The following SMYD3 variants were observed in gnomAD, a reference collection of about 807,000 sequenced individuals.
The protein encoded by SMYD3 is SET and MYND domain containing 3, also known as histone-lysine N-methyltransferase SMYD3.
In SMYD3, 36 loss-of-function variants were observed where a neutral mutation model predicts 57.7. That is an observed-to-expected ratio of 0.62 (90% CI 0.48 to 0.82). The LOEUF is 0.82. Ranked by LOEUF, SMYD3 falls within the 40% of genes least tolerant of loss-of-function variation. SMYD3 has a pLI of 0.00. For missense variants in SMYD3, 515 were observed against 538.8 expected, an observed-to-expected ratio of 0.96 and a Z score of 0.44; for synonymous variants, 211 against 195.0, an observed-to-expected ratio of 1.08 and a Z score of -0.68.
At chr1:246,181,423 C>T (rs894495334) in intron 5 of SMYD3, among the ~76,000 whole-genome samples, 2 of 152,146 alleles carry the variant, frequency 1.3e-5, no homozygotes, top group African/African-American at 4.8e-5. Flanking sequence ...AGCTGACATC[C>T]CTGCCACTCC....
chr1:245,865,074 G>GC, intron 8 of SMYD3, among the ~76,000 whole-genome samples: 1 of 152,316 alleles, frequency 6.6e-6, no homozygotes, highest in East Asian at 1.9e-4. Flanking sequence ...TGCTTACTCA[G>GC]CACTTGTTGA....
chr1:245,993,599 T>TAGAC (rs1553382201), intron 5 of SMYD3, among the ~76,000 whole-genome samples: 19 of 45,712 alleles, frequency 4.2e-4, no homozygotes, highest in Admixed American at 5.6e-4. Context: ...GATAGATAGA[T>TAGAC]AGATAGATAG....
intron 1 of SMYD3, among the ~76,000 whole-genome samples, chr1:246,383,010 G>A (rs376027822): frequency 1.3e-4 from 20 of 151,626 alleles, no homozygotes; most frequent in Admixed American, 3.3e-4. Flanking sequence ...CCATGGACCC[G>A]GGGTCTAGTC....
At chr1:245,934,244 A>G (rs547977490) in intron 5 of SMYD3, among the ~76,000 whole-genome samples, 1 of 152,210 alleles carries the variant, frequency 6.6e-6, no homozygotes, top group Non-Finnish European at 1.5e-5. Flanking sequence ...CCCTGGACAG[A>G]AAAACTGGAA....
At chr1:246,242,004 C>A (rs746720012) in intron 5 of SMYD3, among the ~76,000 whole-genome samples, 1 of 152,006 alleles carries the variant, frequency 6.6e-6, no homozygotes, top group Non-Finnish European at 1.5e-5. Context: ...GTCTTGCTAG[C>A]GGTCTATCAA....
intron 5 of SMYD3, among the ~76,000 whole-genome samples, chr1:246,154,267 T>C (rs565061638): frequency 6.6e-6 from 1 of 152,344 alleles, no homozygotes; most frequent in East Asian, 1.9e-4. Flanking sequence ...AAGTTAACAT[T>C]TCTCTTACTA....
chr1:246,504,456 G>A (rs779502199), intron 1 of SMYD3, among the ~76,000 whole-genome samples: 3 of 152,142 alleles, frequency 2.0e-5, no homozygotes, highest in Non-Finnish European at 4.4e-5. Context: ...AAGTATTTGT[G>A]TATCTAAATG....
intron 5 of SMYD3, among the ~76,000 whole-genome samples, chr1:246,005,392 G>C (rs1203634914): frequency 6.6e-6 from 1 of 152,202 alleles, no homozygotes; most frequent in Non-Finnish European, 1.5e-5. Flanking sequence ...ACTTGGAACT[G>C]GATTTGATTT....
At chr1:245,976,429 TAGGGAAAGCCATCGTCTCCGGCCC>T (rs1184432487) in intron 5 of SMYD3, among the ~76,000 whole-genome samples, 7 of 12,816 alleles carry the variant, frequency 5.5e-4, no homozygotes, top group Non-Finnish European at 7.5e-4. Context: ...GTCTCTAGCC[TAGGGAAAGCCATCGTCTCCGGCCC>T]AGGGAAAGCC....
At chr1:246,032,272 T>C (rs752320678) in intron 5 of SMYD3, among the ~76,000 whole-genome samples, 3 of 152,242 alleles carry the variant, frequency 2.0e-5, no homozygotes, top group South Asian at 2.1e-4. Context: ...GGGGCTGCAA[T>C]TCCCCACAGT....
At chr1:246,329,007 A>G (rs1419046582) in intron 4 of SMYD3, among the ~76,000 whole-genome samples, 1 of 152,122 alleles carries the variant, frequency 6.6e-6, no homozygotes, top group Non-Finnish European at 1.5e-5. Flanking sequence ...ATGTCCCTAC[A>G]AAGGACATGA....
chr1:246,121,247 AC>A (rs1371959383), intron 5 of SMYD3, among the ~76,000 whole-genome samples: 3 of 151,924 alleles, frequency 2.0e-5, no homozygotes, highest in African/African-American at 4.8e-5. Flanking sequence ...TTTTTAAGCC[AC>A]CCAGTAAATG....
At chr1:245,803,966 T>G (rs1207816126) in intron 10 of SMYD3, among the ~76,000 whole-genome samples, 1 of 144,702 alleles carries the variant, frequency 6.9e-6, no homozygotes, top group East Asian at 2.1e-4. Flanking sequence ...CAGGCTGGAG[T>G]GGAGTGGCAC....
At chr1:246,175,460 T>C (rs570790870) in intron 5 of SMYD3, among the ~76,000 whole-genome samples, 4 of 152,232 alleles carry the variant, frequency 2.6e-5, no homozygotes, top group Non-Finnish European at 4.4e-5. Flanking sequence ...GCATAACCTT[T>C]ACAGTACAGA....
intron 8 of SMYD3, among the ~76,000 whole-genome samples, chr1:245,913,226 G>A (rs2055133997): frequency 1.3e-5 from 2 of 151,932 alleles, no homozygotes; most frequent in South Asian, 2.1e-4. Context: ...CATGGATGAA[G>A]CTGGAAACCA....
intron 5 of SMYD3, among the ~76,000 whole-genome samples, chr1:246,124,687 A>G (rs1047529032): frequency 3.9e-5 from 6 of 152,242 alleles, no homozygotes; most frequent in African/African-American, 1.4e-4. Flanking sequence ...GAGGGACACA[A>G]GCAGCATAAT....
intron 5 of SMYD3, among the ~76,000 whole-genome samples, chr1:246,081,952 G>A (rs954227635): frequency 1.3e-5 from 2 of 152,098 alleles, no homozygotes; most frequent in Non-Finnish European, 2.9e-5. Flanking sequence ...AGGCCAAATC[G>A]AGCTCCTGGA....
At position 245,749,648 on chromosome 1, in the gene SMYD3, C is replaced by T. The variant is rs1572234208; in HGVS notation, c.1202G>A (p.Arg401Lys). ...GCTGTGTTCTCTGCCATGTGTCACTCTCATAATATCAAAAGCCTAAAGAGA... is the reference window on the plus strand; with the variant it reads ...GCTGTGTTCTCTGCCATGTGTCACTTTCATAATATCAAAAGCCTAAAGAGA... ...KNLRLAFDIM[R>K]VTHGREHSLI... is the part of the protein sequence containing the mutation. Residue 401 changes from arginine to lysine, a missense_variant, in exon 12 of 12, where the codon AGA becomes AAA. Arg to Lys is a conservative substitution (Grantham distance 26, BLOSUM62 2). Transcript: ENST00000490107. The T allele has an allele frequency of 2.5e-6, 4 of 1,613,950 alleles. No individual in the cohort carries two copies. The highest frequency in any genetic ancestry group is 3.4e-6 in the Non-Finnish European group (4 of 1,179,846).
At position 246,203,045 on chromosome 1, in the gene SMYD3, A is replaced by G. The variant is rs1452578190; in HGVS notation, c.531+124156T>C. 6.6e-6 allele frequency among the ~76,000 whole-genome samples: 1 copy of G among 152,172 alleles called. No homozygotes were observed. Among genetic ancestry groups the G allele is most frequent in the African/African-American group, 2.4e-5 (1 of 41,448 alleles). ...GAGGCTGAGACAGGAGAATCACTTC[A>G]ACCTGGGAGGGTGAGGTTGCACTGA... On this transcript the variant is annotated intron_variant, in intron 5 of 11. Coordinates refer to ENST00000490107, the MANE Select transcript of SMYD3 (RefSeq NM_001167740.2). The surrounding 1 kb of genome is among the most constrained non-coding windows in gnomAD (Gnocchi z 4.6).
Sources: allele counts gnomAD v4.1 joint callset (sites outside exome capture counted in the v4.1 genomes callset), GRCh38; gene constraint gnomAD v4.1.1; non-coding constraint Gnocchi (gnomAD v3.1); transcripts MANE v1.5; gene names NCBI Gene and HGNC (gene_info 2026-07-23, HGNC 2026-07-21).